The following CNTN3 variants were observed in gnomAD, a reference collection of about 807,000 sequenced individuals.
The protein encoded by CNTN3 is contactin 3.
CNTN3 carries 60 observed loss-of-function variants against 119.1 expected under a neutral mutation model. That is an observed-to-expected ratio of 0.50 (90% confidence interval 0.41 to 0.62). CNTN3 has a LOEUF of 0.62. Among genes scored for constraint, CNTN3 ranks in the 20% least tolerant of loss-of-function variants. CNTN3 has a pLI of 0.00. For missense variants in CNTN3, 1,101 were observed against 1,242.4 expected, an observed-to-expected ratio of 0.89 and a Z score of 1.71; for synonymous variants, 450 against 438.7, an observed-to-expected ratio of 1.03 and a Z score of -0.32.
intron 1 of CNTN3, among the ~76,000 whole-genome samples, chr3:74,540,976 C>T (rs1215424500): frequency 6.6e-6 from 1 of 151,928 alleles, no homozygotes; most frequent in African/African-American, 2.4e-5. Context: ...AATACAAAAC[C>T]ACTGCATAAA....
At chr3:74,411,450 G>A (rs1054011890) in intron 5 of CNTN3, among the ~76,000 whole-genome samples, 1 of 152,132 alleles carries the variant, frequency 6.6e-6, no homozygotes, top group Admixed American at 6.6e-5. Context: ...GTAAGTTTAG[G>A]AAATGTTGCA....
At chr3:74,448,909 T>C (rs978901174) in intron 4 of CNTN3, among the ~76,000 whole-genome samples, 4 of 152,150 alleles carry the variant, frequency 2.6e-5, no homozygotes, top group South Asian at 2.1e-4. Flanking sequence ...CCTCTTCTGA[T>C]AATTGTATAT....
intron 2 of CNTN3, among the ~76,000 whole-genome samples, chr3:74,518,454 T>C (rs1183778238): frequency 6.6e-6 from 1 of 151,916 alleles, no homozygotes; most frequent in Non-Finnish European, 1.5e-5. Flanking sequence ...TGCTATCAAA[T>C]CATATTACAC....
intron 5 of CNTN3, among the ~76,000 whole-genome samples, chr3:74,403,940 T>C (rs955146263): frequency 1.6e-4 from 24 of 152,204 alleles, no homozygotes; most frequent in South Asian, 4.1e-4. Flanking sequence ...AACAATTTTC[T>C]ACTCGCCCCC....
chr3:74,533,360 A>C (rs938283660), intron 1 of CNTN3, among the ~76,000 whole-genome samples: 4 of 151,986 alleles, frequency 2.6e-5, no homozygotes, highest in African/African-American at 9.7e-5. Context: ...ATTTAGGAGC[A>C]CTAATAACTA....
At chr3:74,421,224 G>A (rs1466303085) in intron 5 of CNTN3, among the ~76,000 whole-genome samples, 2 of 151,878 alleles carry the variant, frequency 1.3e-5, no homozygotes, top group African/African-American at 4.8e-5. Context: ...AGGCTGGAGT[G>A]CAGTGGTATG....
rs574186647 is a variant in CNTN3, at chr3:74,271,559, A to C, written c.2705-4181T>G. On this transcript the variant is annotated intron_variant, in intron 20 of 22. Transcript: ENST00000263665. Reference sequence around the variant, plus strand: ...AGCTGGCATTTACTTTCAAAATATGAAATTTTAAGAACATATGTTTGCTGT... The same window carrying C: ...AGCTGGCATTTACTTTCAAAATATGCAATTTTAAGAACATATGTTTGCTGT... 4.6e-5 allele frequency among the ~76,000 whole-genome samples: 7 copies of C among 152,346 alleles called. No individual in the cohort carries two copies. In the South Asian group the frequency reaches 1.4e-3, roughly 32 times the overall value.
intron 22 of CNTN3, among the ~76,000 whole-genome samples, chr3:74,265,123 T>G (rs919468838): frequency 6.6e-6 from 1 of 152,192 alleles, no homozygotes; most frequent in African/African-American, 2.4e-5. Context: ...CTTGTTTCTA[T>G]TTTATGCATT....
intron 3 of CNTN3, among the ~76,000 whole-genome samples, chr3:74,489,511 A>C (rs1223409673): frequency 6.6e-6 from 1 of 150,650 alleles, no homozygotes; most frequent in African/African-American, 2.4e-5. Flanking sequence ...AACATTTATG[A>C]AGTGTCTATA....
At chr3:74,577,745 A>C (rs1375565523) in intron 1 of CNTN3, among the ~76,000 whole-genome samples, 2 of 152,022 alleles carry the variant, frequency 1.3e-5, no homozygotes, top group Non-Finnish European at 1.5e-5. Context: ...TCACATACTA[A>C]CATTAATTTT....
chr3:74,347,373 C>G (rs1273761585), intron 11 of CNTN3, among the ~76,000 whole-genome samples: 1 of 152,110 alleles, frequency 6.6e-6, no homozygotes, highest in East Asian at 1.9e-4. Flanking sequence ...TCCCAAATAG[C>G]TGAAACGACC....
intron 1 of CNTN3, among the ~76,000 whole-genome samples, chr3:74,535,757 T>C (rs1204441841): frequency 6.6e-6 from 1 of 152,106 alleles, no homozygotes; most frequent in East Asian, 1.9e-4. Context: ...TTTTTATTTT[T>C]GTAATATATT....
chr3:74,434,597 C>G (rs940320706), intron 4 of CNTN3, among the ~76,000 whole-genome samples: 1 of 152,144 alleles, frequency 6.6e-6, no homozygotes, highest in African/African-American at 2.4e-5. Flanking sequence ...GGTGCAATCC[C>G]TTGGCTGATT....
At chr3:74,327,266 T>A (rs2106690065) in intron 13 of CNTN3, among the ~76,000 whole-genome samples, 1 of 152,000 alleles carries the variant, frequency 6.6e-6, no homozygotes, top group Admixed American at 6.6e-5. Context: ...GTAGCTGTGA[T>A]TACAGGCATG....
At chr3:74,345,905 T>G (rs116443126) in intron 11 of CNTN3, among the ~76,000 whole-genome samples, 1 of 152,342 alleles carries the variant, frequency 6.6e-6, no homozygotes, top group African/African-American at 2.4e-5. Context: ...CACAAATATT[T>G]ATTAACATGG....
Position 74,371,318 on chromosome 3 carries a change from C to G in CNTN3, c.536G>C (p.Gly179Ala). ...DSRRFVSQET[G>A]HLYISKVEPS... ...CTCCACCTTAGATATGTAGAGGTGCCCTGTCTCCTGGGAGACAAATCTCCG... is the reference window on the plus strand; with the variant it reads ...CTCCACCTTAGATATGTAGAGGTGCGCTGTCTCCTGGGAGACAAATCTCCG... Residue 179 changes from glycine (G) to alanine (A), a missense_variant, in exon 6 of 23, where the codon GGG (glycine) becomes GCG (alanine). Transcript: ENST00000263665. 6.2e-7 allele frequency: 1 copy of G among 1,612,410 alleles called. No homozygotes were observed. Among genetic ancestry groups the G allele is most frequent in the South Asian group, 1.1e-5 (1 of 91,030 alleles).
intron 20 of CNTN3, among the ~76,000 whole-genome samples, chr3:74,281,053 A>T (rs561167432): frequency 8.1e-4 from 124 of 152,302 alleles, no homozygotes; most frequent in Non-Finnish European, 1.5e-3. Flanking sequence ...AAGTGGAATG[A>T]GCAAGGTGGA....
chr3:74,517,214 G>C (rs1703465364), intron 2 of CNTN3, among the ~76,000 whole-genome samples: 1 of 151,904 alleles, frequency 6.6e-6, no homozygotes, highest in Non-Finnish European at 1.5e-5. Flanking sequence ...TGTATAACCT[G>C]CATGTGCTGA....
At chr3:74,340,113 G>A (rs1477122126) in intron 11 of CNTN3, among the ~76,000 whole-genome samples, 3 of 152,070 alleles carry the variant, frequency 2.0e-5, no homozygotes, top group Non-Finnish European at 2.9e-5. Flanking sequence ...ATATTAGTAG[G>A]TATTGTAAGT....
Sources: gnomAD v4.1 joint callset for allele counts (sites outside exome capture counted in the v4.1 genomes callset) on GRCh38, gnomAD v4.1.1 for gene constraint, MANE v1.5 for transcripts, NCBI Gene and HGNC (gene_info 2026-07-23, HGNC 2026-07-21) for gene names.